CLTC: variants seen among roughly 807,000 people sequenced by gnomAD.
CLTC encodes the protein clathrin heavy chain.
CLTC carries 16 observed loss-of-function variants against 195.8 expected under a neutral mutation model. The ratio of observed to expected loss-of-function variants is 0.08; its 90% CI spans 0.06 to 0.12. CLTC has a LOEUF of 0.12. CLTC is among the 10% of genes least tolerant of loss of function. CLTC has a pLI of 1.00. For missense variants in CLTC, 796 were observed against 2,027.0 expected (o/e 0.39, Z 11.66); for synonymous variants, 667 against 689.4 (o/e 0.97, Z 0.51).
rs781574959 is a variant in CLTC, at chr17:59,666,647, A to AT, written c.1947+6dup. ...ACACCCATCTTCTTAACCCTGAGGT[A>AT]TTTCAGTTTCTTACCTAATAGATGG... On this transcript the variant is annotated splice_donor_region_variant and intron_variant, in intron 12 of 31. Transcript: ENST00000269122. This position sits in a 1 kb window ranked among gnomAD's most constrained non-coding sequence, Gnocchi z 4.9. The AT allele has an allele frequency of 1.2e-5, 19 of 1,607,360 alleles. No individual in the cohort carries two copies. The highest frequency in any genetic ancestry group is 1.4e-5 in the Non-Finnish European group (17 of 1,175,472).
intron 1 of CLTC, among the ~76,000 whole-genome samples, chr17:59,639,896 C>T (rs1362311269): frequency 1.3e-5 from 2 of 151,366 alleles, no homozygotes; most frequent in Non-Finnish European, 2.9e-5. Context: ...CCTGGGAGGT[C>T]GAGGCTGCAG....
Position 59,668,925 on chromosome 17 carries a change from C to A in CLTC, c.2277C>A (p.Val759=). 1 of 1,608,576 alleles carries A rather than the reference C, an allele frequency of 6.2e-7. No homozygotes were observed. The highest frequency in any genetic ancestry group is 1.1e-5 in the South Asian group (1 of 90,008). Residue 759 remains valine, a synonymous_variant, in exon 14 of 32, where the codon GTC becomes GTA. Transcript: ENST00000269122. Reference sequence around the variant, plus strand: ...GCAACTGCTACGATCCTGAGCGAGTCAAGAATTTTCTTAAGGTAAGTGGTT... The same window carrying A: ...GCAACTGCTACGATCCTGAGCGAGTAAAGAATTTTCTTAAGGTAAGTGGTT... The part of the protein sequence containing the change: ...RESNCYDPER[V]KNFLKEAKLT...
Position 59,681,260 on chromosome 17 carries a change from A to C in CLTC, c.3066-35A>C. On this transcript the variant is annotated intron_variant, in intron 19 of 31. Coordinates refer to ENST00000269122, the MANE Select transcript of CLTC (RefSeq NM_004859.4). The surrounding 1 kb of genome is among the most constrained non-coding windows in gnomAD (Gnocchi z 5.0). Reference sequence around the variant, plus strand: ...ATTTTTTATGTCGGATAAACTTAAAATATTGCATTTAAAATATTCTTTTTT... The same window carrying C: ...ATTTTTTATGTCGGATAAACTTAAACTATTGCATTTAAAATATTCTTTTTT... The C allele has an allele frequency of 6.3e-7, 1 of 1,575,974 alleles. No individual in the cohort carries two copies. The highest frequency in any genetic ancestry group is 8.6e-7 in the Non-Finnish European group (1 of 1,158,776).
At chr17:59,686,010 C>T (rs1474830021) in intron 30 of CLTC, among the ~76,000 whole-genome samples, 2 of 151,786 alleles carry the variant, frequency 1.3e-5, no homozygotes, top group Non-Finnish European at 2.9e-5. Flanking sequence ...TAGCTGTTTA[C>T]CCTCAGTGTA....
intron 1 of CLTC, among the ~76,000 whole-genome samples, chr17:59,621,938 G>T (rs1238378566): frequency 6.6e-6 from 1 of 152,160 alleles, no homozygotes; most frequent in Non-Finnish European, 1.5e-5. Flanking sequence ...ACCACACAGA[G>T]AATCAAGTAC....
At chr17:59,634,151 C>T (rs1054934602) in intron 1 of CLTC, among the ~76,000 whole-genome samples, 6 of 152,156 alleles carry the variant, frequency 3.9e-5, no homozygotes, top group Admixed American at 3.9e-4. Context: ...TCGAGAGGTC[C>T]TCCCACCTTG....
At chr17:59,690,539 A>G in intron 30 of CLTC, 97 bp from the exon 31 acceptor site, 1 of 767,166 alleles carries the variant, frequency 1.3e-6, no homozygotes, top group Non-Finnish European at 2.2e-6. Flanking sequence ...TTTTATTTTG[A>G]CAGAATTTAA....
chr17:59,655,905 C>A lies in CLTC; in HGVS notation c.847C>A (p.His283Asn). The A allele has an allele frequency of 6.2e-7, 1 of 1,608,462 alleles. No homozygotes were observed. The highest frequency in any genetic ancestry group is 1.1e-5 in the South Asian group (1 of 89,402). Residue 283 changes from histidine to asparagine, a missense_variant, in exon 6 of 32, where the codon CAC becomes AAC. Physicochemically the swap from His to Asn is moderately conservative, Grantham distance 68 (BLOSUM62 1). Around this residue, in one of 9 missense-constraint regions of CLTC, gnomAD observed 293 missense variants for 795.6 expected, o/e 0.37. Coordinates refer to ENST00000269122, the MANE Select transcript of CLTC (RefSeq NM_004859.4). ...VFLITKYGYIHLYDLETGTCI... is the reference protein window; with the variant it reads ...VFLITKYGYINLYDLETGTCI... ...CTTGATAACCAAGTATGGTTATATC[C>A]ACCTCTATGATCTTGAGACTGGTAC... is the stretch of plus-strand genomic sequence containing the variant.
Position 59,619,946 on chromosome 17 carries a change from G to A in CLTC, c.-186G>A, listed in dbSNP as rs74991213. 2 of 581,982 alleles carry A rather than the reference G, an allele frequency of 3.4e-6. No individual in the cohort carries two copies. Among genetic ancestry groups the A allele is most frequent in the Non-Finnish European group, 6.1e-6 (2 of 326,284 alleles). 36.1% of individuals were successfully genotyped at this position (581,982 alleles called of 1,614,324 possible). On this transcript the variant is annotated 5_prime_UTR_variant, in exon 1 of 32. Transcript: ENST00000269122. ...CCGGTTCCGCCATTGCGGCTCTCCT[G>A]GCCCCTGGAGCCTCCGCCCCCGACC...
intron 1 of CLTC, among the ~76,000 whole-genome samples, chr17:59,643,567 T>G (rs571033158): frequency 9.8e-5 from 15 of 152,330 alleles, no homozygotes; most frequent in Non-Finnish European, 1.8e-4. Context: ...GTCTGGCCCT[T>G]GCTCATTTCT....
Position 59,668,865 on chromosome 17 carries a change from G to A in CLTC, c.2217G>A (p.Gly739=), listed in dbSNP as rs747934604. The A allele has an allele frequency of 2.5e-6, 4 of 1,613,704 alleles. No homozygotes were observed. The South Asian group carries it at 3.3e-5, about 13-fold the overall frequency. The change falls in exon 14 of 32, where the codon GGG becomes GGA. Residue 739 remains glycine (G), a synonymous_variant. Coordinates refer to ENST00000269122, the MANE Select transcript of CLTC (RefSeq NM_004859.4). The part of the protein sequence containing the change: ...FKYIQAACKT[G]QIKEVERICR... ...ATATTCAGGCAGCTTGCAAGACTGG[G>A]CAAATCAAAGAAGTAGAAAGAATCT...
At chr17:59,621,967 A>G (rs1358377567) in intron 1 of CLTC, among the ~76,000 whole-genome samples, 2 of 152,242 alleles carry the variant, frequency 1.3e-5, no homozygotes, top group African/African-American at 4.8e-5. Flanking sequence ...TTTATTTTCC[A>G]CGGCAGATGT....
At position 59,666,349 on chromosome 17, in the gene CLTC, G is replaced by A; in HGVS notation, c.1782+109G>A. ...ACTGAGGGGCCTACTCCTTATTAAA[G>A]AAAATGTAGCTATTATAATATTCTT... On this transcript the variant is annotated intron_variant, in intron 11 of 31. Coordinates refer to ENST00000269122, the MANE Select transcript of CLTC (RefSeq NM_004859.4). The surrounding 1 kb of genome is among the most constrained non-coding windows in gnomAD (Gnocchi z 4.9). 4 of 1,487,178 alleles carry A rather than the reference G, an allele frequency of 2.7e-6. No individual in the cohort carries two copies. In the South Asian group the frequency reaches 5.0e-5, roughly 19 times the overall value. The allele number at this position is 1,487,178 out of a possible 1,614,324, so 92.1% of individuals were successfully genotyped here.
rs1169784281 is a variant in CLTC at position 59,696,090 on chromosome 17, G to GTCTA, written c.*2242_*2245dup. ...ACTACCTTTGAATTTGGAGCCATCA[G>GTCTA]TCTATCTGAGGCAAACCTCAGAAAT... On this transcript the variant is annotated 3_prime_UTR_variant, in exon 32 of 32. Coordinates refer to ENST00000269122, the MANE Select transcript of CLTC (RefSeq NM_004859.4). 4 of 213,600 alleles carry GTCTA rather than the reference G, an allele frequency of 1.9e-5. No homozygotes were observed. Among genetic ancestry groups the GTCTA allele is most frequent in the Admixed American group, 5.8e-5 (1 of 17,130 alleles). The allele number at this position is 213,600 out of a possible 1,614,324, so 13.2% of individuals were successfully genotyped here.
At chr17:59,626,194 A>T (rs533371252) in intron 1 of CLTC, among the ~76,000 whole-genome samples, 2 of 152,290 alleles carry the variant, frequency 1.3e-5, no homozygotes, top group South Asian at 4.1e-4. Context: ...GCTTCCATTG[A>T]TGAGTTGGCA....
In CLTC at chr17:59,666,938, T is replaced by C. The variant is rs2143556738; in HGVS notation, c.2089T>C (p.Ser697Pro). The C allele has an allele frequency of 6.2e-7, 1 of 1,613,582 alleles. No individual in the cohort carries two copies. Among genetic ancestry groups the C allele is most frequent in the Middle Eastern group, 1.6e-4 (1 of 6,062 alleles). ...SKYHEQLSTQ[S>P]LIELFESFKS... Reference sequence around the variant, plus strand: ...ATATCATGAACAACTGTCAACTCAGTCTCTGATTGAACTTTTTGAATCTTT... The same window carrying C: ...ATATCATGAACAACTGTCAACTCAGCCTCTGATTGAACTTTTTGAATCTTT... The change falls in exon 13 of 32, where the codon TCT becomes CCT. Residue 697 changes from serine (S) to proline (P), a missense_variant. Coordinates refer to ENST00000269122, the MANE Select transcript of CLTC (RefSeq NM_004859.4). The surrounding 1 kb of genome is among the most constrained non-coding windows in gnomAD (Gnocchi z 4.9).
chr17:59,655,278 G>A (rs1019953877), intron 5 of CLTC, among the ~76,000 whole-genome samples: 7 of 152,170 alleles, frequency 4.6e-5, no homozygotes, highest in African/African-American at 1.7e-4. Context: ...GAAAGAAACG[G>A]GAGAACAGCT....
intron 1 of CLTC, among the ~76,000 whole-genome samples, chr17:59,631,428 G>A (rs938327897): frequency 6.6e-6 from 1 of 152,182 alleles, no homozygotes; most frequent in South Asian, 2.1e-4. Context: ...TACAGAGCTA[G>A]GGAGAGATCT....
intron 1 of CLTC, among the ~76,000 whole-genome samples, chr17:59,642,420 G>C (rs1014912978): frequency 7.9e-5 from 12 of 152,100 alleles, no homozygotes; most frequent in African/African-American, 2.9e-4. Flanking sequence ...ATTCTTACAG[G>C]GTAGCTTAGG....
Sources: gnomAD v4.1 joint callset for allele counts (sites outside exome capture counted in the v4.1 genomes callset) on GRCh38, gnomAD v4.1.1 for gene constraint, gnomAD v4.1.1 regional missense constraint, Gnocchi (gnomAD v3.1) non-coding constraint, MANE v1.5 for transcripts, NCBI Gene and HGNC (gene_info 2026-07-23, HGNC 2026-07-21) for gene names.